Variants in SPAG16 observed in about 807,000 individuals in gnomAD.
SPAG16 encodes sperm-associated antigen 16 protein.
SPAG16 carries 86 observed loss-of-function variants against 80.4 expected under a neutral mutation model. The observed-to-expected ratio is 1.07, with a 90% CI of 0.90 to 1.28. The LOEUF is 1.28. SPAG16 is among the 50% of genes most tolerant of loss of function. SPAG16 has a pLI of 0.00. For synonymous variants in SPAG16, 294 were observed against 265.9 expected, an observed-to-expected ratio of 1.11 and a Z score of -1.03; for missense variants, 870 against 765.3, an observed-to-expected ratio of 1.14 and a Z score of -1.61.
At position 213,605,249 on chromosome 2, in the gene SPAG16, T is replaced by C. The variant is rs955718644; in HGVS notation, c.1070+115159T>C. ...GCAAAATCAGACACTTTATTTCATC[T>C]ATAAATACTTTGGAATGCATTTTTT... On this transcript the variant is annotated intron_variant, in intron 10 of 15. Coordinates refer to ENST00000331683, the MANE Select transcript of SPAG16 (RefSeq NM_024532.5). Among the ~76,000 whole-genome samples the C allele has an allele frequency of 2.0e-5, 3 of 150,860 alleles. 1 individual carries two copies. Among genetic ancestry groups the C allele is most frequent in the African/African-American group, 4.9e-5 (2 of 40,884 alleles).
intron 10 of SPAG16, among the ~76,000 whole-genome samples, chr2:213,779,893 G>T (rs2125578337): frequency 6.6e-6 from 1 of 152,318 alleles, no homozygotes; most frequent in South Asian, 2.1e-4. Context: ...TCTATTACAT[G>T]AAGAAGCAAA....
intron 9 of SPAG16, among the ~76,000 whole-genome samples, chr2:213,460,246 T>A (rs1438627657): frequency 6.6e-6 from 1 of 152,224 alleles, no homozygotes; most frequent in Non-Finnish European, 1.5e-5. Context: ...GAGTCCAAAT[T>A]ATTTTTTAGA....
At chr2:214,392,736 A>C (rs1701163177) in intron 15 of SPAG16, among the ~76,000 whole-genome samples, 1 of 152,110 alleles carries the variant, frequency 6.6e-6, no homozygotes, top group African/African-American at 2.4e-5. Flanking sequence ...CACTGACTTA[A>C]CAGAGTGGGA....
chr2:213,464,606 T>C (rs965932441), intron 9 of SPAG16, among the ~76,000 whole-genome samples: 1 of 152,230 alleles, frequency 6.6e-6, no homozygotes, highest in East Asian at 1.9e-4. Context: ...ATGCCCCTTA[T>C]CTTTGGAATA....
chr2:214,297,953 T>A (rs1238669751), intron 15 of SPAG16, among the ~76,000 whole-genome samples: 4 of 151,598 alleles, frequency 2.6e-5, no homozygotes, highest in Admixed American at 1.3e-4. Flanking sequence ...ATTTTAATAA[T>A]GTTTTCAGTT....
chr2:214,213,797 T>C (rs930773018), intron 15 of SPAG16, among the ~76,000 whole-genome samples: 2 of 152,212 alleles, frequency 1.3e-5, no homozygotes, highest in African/African-American at 2.4e-5. Flanking sequence ...CTCCTCAAAA[T>C]AGTCAGTAAG....
intron 15 of SPAG16, among the ~76,000 whole-genome samples, chr2:214,253,830 G>C (rs1250741617): frequency 6.6e-6 from 1 of 151,936 alleles, no homozygotes; most frequent in Non-Finnish European, 1.5e-5. Context: ...GTTTTTTCCA[G>C]TTCTGTGAGG....
intron 13 of SPAG16, among the ~76,000 whole-genome samples, chr2:214,028,940 AT>A (rs982413870): frequency 3.3e-5 from 5 of 151,716 alleles, no homozygotes; most frequent in African/African-American, 9.7e-5. Context: ...TATGGATACA[AT>A]TTTTTTTTAA....
intron 10 of SPAG16, among the ~76,000 whole-genome samples, chr2:213,855,407 C>A (rs2075105289): frequency 1.3e-5 from 2 of 152,202 alleles, no homozygotes; most frequent in Admixed American, 1.3e-4. Flanking sequence ...GATCACTTAA[C>A]CTCTATGTAT....
intron 7 of SPAG16, among the ~76,000 whole-genome samples, chr2:213,359,950 A>C (rs2065884974): frequency 6.6e-6 from 1 of 152,206 alleles, no homozygotes; most frequent in South Asian, 2.1e-4. Context: ...CTTGATATCT[A>C]ATATGGAACA....
intron 10 of SPAG16, among the ~76,000 whole-genome samples, chr2:213,792,687 G>A (rs1389627870): frequency 2.1e-5 from 3 of 144,996 alleles, no homozygotes; most frequent in Non-Finnish European, 4.5e-5. Context: ...GGGTTCAAGC[G>A]ATTCTCCTGC....
At chr2:214,379,169 G>C (rs1700305606) in intron 15 of SPAG16, among the ~76,000 whole-genome samples, 1 of 152,172 alleles carries the variant, frequency 6.6e-6, no homozygotes, top group Non-Finnish European at 1.5e-5. Flanking sequence ...GCATTCTTCT[G>C]TGATTGAAAT....
intron 11 of SPAG16, among the ~76,000 whole-genome samples, chr2:213,927,125 C>T (rs2078515316): frequency 6.6e-6 from 1 of 152,194 alleles, no homozygotes; most frequent in South Asian, 2.1e-4. Flanking sequence ...GAGTTAACTC[C>T]AGTCTCTTTC....
intron 1 of SPAG16, among the ~76,000 whole-genome samples, chr2:213,295,027 GTTC>G (rs2062441033): frequency 6.6e-6 from 1 of 152,104 alleles, no homozygotes; most frequent in Non-Finnish European, 1.5e-5. Context: ...AGTGTTATCT[GTTC>G]TTGTTATAAG....
At chr2:213,958,795 A>G (rs2044273558) in intron 12 of SPAG16, among the ~76,000 whole-genome samples, 2 of 152,164 alleles carry the variant, frequency 1.3e-5, no homozygotes, top group Non-Finnish European at 2.9e-5. Flanking sequence ...ATTATAAACT[A>G]TTGCTACTAT....
chr2:213,559,444 A>C (rs933310917), intron 10 of SPAG16, among the ~76,000 whole-genome samples: 3 of 152,306 alleles, frequency 2.0e-5, no homozygotes, highest in African/African-American at 7.2e-5. Context: ...CCGAATGAAA[A>C]AAATTAACAG....
At chr2:213,754,636 A>G (rs945383677) in intron 10 of SPAG16, among the ~76,000 whole-genome samples, 4 of 152,214 alleles carry the variant, frequency 2.6e-5, no homozygotes, top group Admixed American at 1.3e-4. Context: ...TTAAACTTTC[A>G]TATTTTAAAA....
At chr2:213,562,570 T>G (rs2059627561) in intron 10 of SPAG16, among the ~76,000 whole-genome samples, 1 of 152,256 alleles carries the variant, frequency 6.6e-6, no homozygotes, top group Non-Finnish European at 1.5e-5. Flanking sequence ...CTGGCAGATT[T>G]GATGCCTGGT....
intron 8 of SPAG16, among the ~76,000 whole-genome samples, chr2:213,366,244 A>G (rs2066284362): frequency 6.6e-6 from 1 of 152,120 alleles, no homozygotes. Context: ...AAAATGGAGC[A>G]TAAAAATACT....
Sources: gnomAD v4.1 joint callset for allele counts (sites outside exome capture counted in the v4.1 genomes callset) on GRCh38, gnomAD v4.1.1 for gene constraint, MANE v1.5 for transcripts, NCBI Gene and HGNC (gene_info 2026-07-23, HGNC 2026-07-21) for gene names.